ARNT2: variants seen among roughly 807,000 people sequenced by gnomAD.
ARNT2 encodes ARNT protein 2.
In ARNT2, 36 loss-of-function variants were observed where a neutral mutation model predicts 91.7. That is an observed-to-expected ratio of 0.39 (90% CI 0.30 to 0.52). The LOEUF (loss-of-function observed/expected upper bound fraction) is 0.52. ARNT2 is among the 20% of genes least tolerant of loss of function. The pLI, the probability that ARNT2 is intolerant of heterozygous loss-of-function variation, is 0.72. For missense variants in ARNT2, 775 were observed against 939.3 expected, an observed-to-expected ratio of 0.83 and a Z score of 2.29; for synonymous variants, 365 against 347.1, an observed-to-expected ratio of 1.05 and a Z score of -0.57.
chr15:80,503,818 A>G (rs1162616775), intron 5 of ARNT2, among the ~76,000 whole-genome samples: 2 of 152,224 alleles, frequency 1.3e-5, no homozygotes, highest in African/African-American at 4.8e-5. Context: ...TCTGGTCTAC[A>G]CATCCTGCTT....
At chr15:80,531,757 G>A (rs1566994824) in intron 8 of ARNT2, among the ~76,000 whole-genome samples, 1 of 152,204 alleles carries the variant, frequency 6.6e-6, no homozygotes, top group Non-Finnish European at 1.5e-5. Flanking sequence ...CTTACCTGGA[G>A]TTTGGACTCA....
chr15:80,583,405 A>G (rs766043997), intron 17 of ARNT2, among the ~76,000 whole-genome samples: 16 of 152,236 alleles, frequency 1.1e-4, no homozygotes, highest in Non-Finnish European at 1.8e-4. Flanking sequence ...CAGGCCCTGA[A>G]GTATAAATGG....
At chr15:80,418,150 G>A (rs1213888751) in intron 1 of ARNT2, among the ~76,000 whole-genome samples, 1 of 152,132 alleles carries the variant, frequency 6.6e-6, no homozygotes, top group African/African-American at 2.4e-5. Flanking sequence ...TGAAAAGTTG[G>A]GGAGGAAAAA....
chr15:80,468,019 C>T (rs1462657560), intron 3 of ARNT2, among the ~76,000 whole-genome samples: 1 of 152,146 alleles, frequency 6.6e-6, no homozygotes, highest in African/African-American at 2.4e-5. Flanking sequence ...GATTGCCCCG[C>T]CCCAACCCAT....
chr15:80,581,301 C>A lies in ARNT2; in HGVS notation c.1815C>A (p.Thr605=). Residue 605 remains threonine (T), a synonymous_variant, in exon 17 of 19, where the codon ACC becomes ACA. Coordinates refer to ENST00000303329, the MANE Select transcript of ARNT2 (RefSeq NM_014862.4). ...CCTTTGGGATTGGAACGAGCCACACCTACCCGGCAGACCCCTCTTCCTACA... is the reference window on the plus strand; with the variant it reads ...CCTTTGGGATTGGAACGAGCCACACATACCCGGCAGACCCCTCTTCCTACA... ...SSPFGIGTSH[T]YPADPSSYSP... 6.2e-7 allele frequency: 1 copy of A among 1,614,118 alleles called. No individual in the cohort carries two copies. The highest frequency in any genetic ancestry group is 1.3e-5 in the African/African-American group (1 of 75,000).
chr15:80,499,773 C>A (rs1381200844), intron 5 of ARNT2, among the ~76,000 whole-genome samples: 1 of 152,178 alleles, frequency 6.6e-6, no homozygotes, highest in Non-Finnish European at 1.5e-5. Context: ...AGTCCTCAAC[C>A]AATCACTATG....
chr15:80,581,101 C>A, intron 16 of ARNT2, 138 bp from the exon 17 acceptor site: 1 of 1,068,114 alleles, frequency 9.4e-7, no homozygotes, highest in Non-Finnish European at 1.4e-6. Context: ...AGGCCTGTGC[C>A]TAGCCAGACA....
chr15:80,560,622 G>A (rs554351058), intron 11 of ARNT2, among the ~76,000 whole-genome samples: 5 of 152,192 alleles, frequency 3.3e-5, no homozygotes, highest in African/African-American at 4.8e-5. Context: ...AAGAAGGACC[G>A]CCCTTCCTGT....
intron 1 of ARNT2, among the ~76,000 whole-genome samples, chr15:80,449,939 A>G (rs1896361963): frequency 6.6e-6 from 1 of 152,218 alleles, no homozygotes; most frequent in Non-Finnish European, 1.5e-5. Flanking sequence ...AGTTGAGCTA[A>G]GAAAAGCTAA....
At chr15:80,588,604 C>T (rs537302236) in intron 17 of ARNT2, among the ~76,000 whole-genome samples, 46 of 152,290 alleles carry the variant, frequency 3.0e-4, no homozygotes, top group South Asian at 8.3e-4. Flanking sequence ...CTCTATTCCT[C>T]TTCCATCCTG....
chr15:80,448,800 G>A (rs532373049), intron 1 of ARNT2, among the ~76,000 whole-genome samples: 7 of 152,218 alleles, frequency 4.6e-5, no homozygotes, highest in East Asian at 1.9e-4. Flanking sequence ...TGGCTAACAC[G>A]GTGAAACCCC....
intron 1 of ARNT2, among the ~76,000 whole-genome samples, chr15:80,409,445 T>C (rs2141551924): frequency 6.6e-6 from 1 of 151,990 alleles, no homozygotes; most frequent in South Asian, 2.1e-4. Context: ...TTCCATTGTC[T>C]GGATGTACCA....
At chr15:80,520,568 T>A (rs1433439605) in intron 8 of ARNT2, among the ~76,000 whole-genome samples, 1 of 149,446 alleles carries the variant, frequency 6.7e-6, no homozygotes, top group African/African-American at 2.5e-5. Flanking sequence ...CAAAAAAAAA[T>A]AAATAAATAA....
At chr15:80,557,089 C>G (rs1898205282) in intron 11 of ARNT2, among the ~76,000 whole-genome samples, 2 of 152,190 alleles carry the variant, frequency 1.3e-5, no homozygotes, top group African/African-American at 2.4e-5. Context: ...GACCGCCAAG[C>G]CTTCCTATTG....
chr15:80,570,724 C>T (rs1447734222), intron 12 of ARNT2, among the ~76,000 whole-genome samples: 1 of 152,032 alleles, frequency 6.6e-6, no homozygotes, highest in African/African-American at 2.4e-5. Context: ...CTTCCTGAGG[C>T]GTCATCTTAA....
intron 8 of ARNT2, among the ~76,000 whole-genome samples, chr15:80,540,460 G>A (rs1897887836): frequency 6.6e-6 from 1 of 152,062 alleles, no homozygotes; most frequent in African/African-American, 2.4e-5. Flanking sequence ...GTCTTCTTTG[G>A]AGTAATATTC....
rs907142536 is a variant in ARNT2 at position 80,595,195 on chromosome 15, C to G, written c.*1497C>G. 1 of 152,382 alleles carries G rather than the reference C, an allele frequency of 6.6e-6. No homozygotes were observed. Among genetic ancestry groups the G allele is most frequent in the African/African-American group, 2.4e-5 (1 of 41,458 alleles). The allele number at this position is 152,382 out of a possible 1,614,324, so 9.4% of individuals were successfully genotyped here. A position where few individuals can be genotyped will look rare whatever the true frequency, so the allele number is the denominator to read the frequency against. On this transcript the variant is annotated 3_prime_UTR_variant, in exon 19 of 19. Coordinates refer to ENST00000303329, the MANE Select transcript of ARNT2 (RefSeq NM_014862.4). ...CTTTTGTGACCATTACGCCCCCTCC[C>G]TGTTTCTTATCACCAGCCCATCAGC...
At chr15:80,586,499 T>C (rs1898903565) in intron 17 of ARNT2, among the ~76,000 whole-genome samples, 1 of 152,194 alleles carries the variant, frequency 6.6e-6, no homozygotes, top group Non-Finnish European at 1.5e-5. Context: ...ATTGCCTTTT[T>C]GTAAAAGAGC....
intron 5 of ARNT2, among the ~76,000 whole-genome samples, chr15:80,502,369 C>A (rs1179468424): frequency 2.0e-5 from 3 of 152,098 alleles, no homozygotes; most frequent in Non-Finnish European, 4.4e-5. Flanking sequence ...GTTAGGTGGG[C>A]CTTCCACATG....
Sources: gnomAD v4.1 joint callset for allele counts (sites outside exome capture counted in the v4.1 genomes callset) on GRCh38, gnomAD v4.1.1 for gene constraint, MANE v1.5 for transcripts, NCBI Gene and HGNC (gene_info 2026-07-23, HGNC 2026-07-21) for gene names.